Variants in PLXNA2 observed in about 807,000 individuals in gnomAD.
PLXNA2 encodes plexin-A2.
PLXNA2 carries 91 observed loss-of-function variants against 193.5 expected under a neutral mutation model. The ratio of observed to expected loss-of-function variants is 0.47; its 90% CI spans 0.40 to 0.56. The LOEUF (loss-of-function observed/expected upper bound fraction) is 0.56, where lower values mean the gene tolerates loss of function less well. PLXNA2 is among the 20% of genes least tolerant of loss of function. The probability of loss-of-function intolerance (pLI) is 0.00; values close to 1 mark genes in which losing one functional copy is unlikely to be tolerated. For synonymous variants in PLXNA2, 997 were observed against 1,027.3 expected, an observed-to-expected ratio of 0.97 and a Z score of 0.56; for missense variants, 1,995 against 2,503.2, an observed-to-expected ratio of 0.80 and a Z score of 4.33.
At chr1:208,182,781 G>C (rs1255351327) in intron 3 of PLXNA2, among the ~76,000 whole-genome samples, 1 of 152,048 alleles carries the variant, frequency 6.6e-6, no homozygotes, top group Admixed American at 6.6e-5. Context: ...AGTACTGCTG[G>C]GTTCTAGCCC....
chr1:208,048,755 C>T (rs1224407207), intron 17 of PLXNA2, among the ~76,000 whole-genome samples: 2 of 152,194 alleles, frequency 1.3e-5, no homozygotes, highest in East Asian at 1.9e-4. Flanking sequence ...TTGGAGGTCA[C>T]GTACTCACTC....
At chr1:208,165,949 T>C (rs1298198228) in intron 3 of PLXNA2, among the ~76,000 whole-genome samples, 1 of 152,214 alleles carries the variant, frequency 6.6e-6, no homozygotes, top group East Asian at 1.9e-4. Flanking sequence ...AAGGTTTGAC[T>C]TCCTGCTACA....
intron 3 of PLXNA2, among the ~76,000 whole-genome samples, chr1:208,154,003 C>T (rs1668854806): frequency 6.9e-6 from 1 of 144,816 alleles, no homozygotes; most frequent in East Asian, 2.1e-4. Context: ...TCTTCTGGGG[C>T]CAGATCATTC....
In PLXNA2 at chr1:208,100,478, C is replaced by T. The variant is rs561461690; in HGVS notation, c.1608-1509G>A. ...AGTAGGTGCCATGACAGTGTTAGCC[C>T]TTATAATATTAATATTAATGATGCT... is the stretch of plus-strand genomic sequence containing the variant. On this transcript the variant is annotated intron_variant, in intron 5 of 31. Transcript: ENST00000367033. Among the ~76,000 whole-genome samples the T allele has an allele frequency of 7.2e-5, 11 of 152,070 alleles. No individual in the cohort carries two copies. In the South Asian group the frequency reaches 2.3e-3, roughly 32 times the overall value.
At chr1:208,140,482 T>C (rs1026500979) in intron 4 of PLXNA2, among the ~76,000 whole-genome samples, 5 of 152,204 alleles carry the variant, frequency 3.3e-5, no homozygotes, top group African/African-American at 1.2e-4. Flanking sequence ...CCTGGTCCTC[T>C]GCTACACACA....
chr1:208,209,458 G>C (rs1477356925), intron 3 of PLXNA2, among the ~76,000 whole-genome samples: 1 of 152,224 alleles, frequency 6.6e-6, no homozygotes, highest in East Asian at 1.9e-4. Context: ...AGGAGGGTAA[G>C]CTTGGGAAAA....
At chr1:208,060,374 G>A (rs939342415) in intron 13 of PLXNA2, among the ~76,000 whole-genome samples, 1 of 152,318 alleles carries the variant, frequency 6.6e-6, no homozygotes, top group African/African-American at 2.4e-5. Context: ...GGGCTGACAG[G>A]GGAAGGGCTG....
chr1:208,228,450 T>TGAGATG (rs1280266000), intron 1 of PLXNA2, among the ~76,000 whole-genome samples: 1 of 152,150 alleles, frequency 6.6e-6, no homozygotes, highest in Non-Finnish European at 1.5e-5. Flanking sequence ...CAGGCCTTCC[T>TGAGATG]CTGAGATGGA....
intron 22 of PLXNA2, among the ~76,000 whole-genome samples, chr1:208,040,742 G>C (rs933048127): frequency 6.6e-6 from 1 of 152,238 alleles, no homozygotes; most frequent in African/African-American, 2.4e-5. Context: ...CTATCCATTA[G>C]CTGTCATTAT....
intron 3 of PLXNA2, among the ~76,000 whole-genome samples, chr1:208,176,542 C>T (rs1669665875): frequency 6.6e-6 from 1 of 152,118 alleles, no homozygotes; most frequent in African/African-American, 2.4e-5. Flanking sequence ...GAAAAAGTCC[C>T]ACAGTGAGAA....
intron 3 of PLXNA2, among the ~76,000 whole-genome samples, chr1:208,162,242 T>C (rs1669153814): frequency 6.6e-6 from 1 of 152,124 alleles, no homozygotes; most frequent in Non-Finnish European, 1.5e-5. Context: ...GATTGGAAAA[T>C]GTGACTCAGT....
intron 12 of PLXNA2, among the ~76,000 whole-genome samples, chr1:208,068,303 C>T (rs2102362538): frequency 6.6e-6 from 1 of 152,268 alleles, no homozygotes; most frequent in East Asian, 1.9e-4. Context: ...CTAACTGTTG[C>T]TTGAGAGTGA....
intron 3 of PLXNA2, among the ~76,000 whole-genome samples, chr1:208,158,527 A>G (rs1018582577): frequency 6.6e-6 from 1 of 152,054 alleles, no homozygotes; most frequent in Non-Finnish European, 1.5e-5. Context: ...CACCTCCCAA[A>G]CTGACCTGTG....
intron 12 of PLXNA2, among the ~76,000 whole-genome samples, chr1:208,073,526 A>T (rs189233571): frequency 1.3e-5 from 2 of 152,228 alleles, no homozygotes; most frequent in Non-Finnish European, 2.9e-5. Context: ...TACAGTAGTC[A>T]TTAATTAAAT....
chr1:208,215,643 A>C (rs1194655922), intron 2 of PLXNA2, among the ~76,000 whole-genome samples: 2 of 151,856 alleles, frequency 1.3e-5, no homozygotes, highest in East Asian at 3.9e-4. Context: ...TGATGGATGG[A>C]TGGATGGATG....
intron 9 of PLXNA2, among the ~76,000 whole-genome samples, chr1:208,091,784 T>C (rs952386955): frequency 1.3e-5 from 2 of 151,102 alleles, no homozygotes; most frequent in Non-Finnish European, 2.9e-5. Context: ...GCAGGAGAAT[T>C]GCTTGAACCC....
chr1:208,117,027 C>A (rs918354481), intron 4 of PLXNA2, among the ~76,000 whole-genome samples: 2 of 152,012 alleles, frequency 1.3e-5, no homozygotes, highest in Non-Finnish European at 2.9e-5. Context: ...AAAAATTAGC[C>A]GGGTGTGGTG....
At chr1:208,046,586 G>A (rs1246643400) in intron 17 of PLXNA2, among the ~76,000 whole-genome samples, 2 of 151,322 alleles carry the variant, frequency 1.3e-5, no homozygotes, top group African/African-American at 2.4e-5. Flanking sequence ...GTGTATGTGT[G>A]TGTGCATGGC....
intron 1 of PLXNA2, among the ~76,000 whole-genome samples, chr1:208,218,520 C>T (rs754612990): frequency 3.3e-5 from 5 of 152,316 alleles, no homozygotes; most frequent in Non-Finnish European, 1.5e-5. Context: ...CACCTCACTC[C>T]GCTGCATCTC....
Sources: allele counts gnomAD v4.1 joint callset (sites outside exome capture counted in the v4.1 genomes callset), GRCh38; gene constraint gnomAD v4.1.1; transcripts MANE v1.5; gene names NCBI Gene and HGNC (gene_info 2026-07-23, HGNC 2026-07-21).